MAST2: variants seen among roughly 807,000 people sequenced by gnomAD.
MAST2 encodes microtubule associated serine/threonine kinase 2.
Under a neutral mutation model 147.4 loss-of-function variants are expected in MAST2, and 70 were observed. The ratio of observed to expected loss-of-function variants is 0.47; its 90% CI spans 0.39 to 0.58. The LOEUF is 0.58. Among genes scored for constraint, MAST2 ranks in the 20% least tolerant of loss-of-function variants. The pLI is 0.00. For synonymous variants in MAST2, 869 were observed against 896.8 expected (o/e 0.97, Z 0.55); for missense variants, 2,080 against 2,302.3 (o/e 0.90, Z 1.98).
rs567583699 is a variant in MAST2 at position 45,961,989 on chromosome 1, C to T, written c.592+2512C>T. ...TCCTGTGTCCAGTGTTCTCATTGTT[C>T]AGTTCCCACCTATGAGTGAGAACAT... On this transcript the variant is annotated intron_variant, in intron 5 of 28. Transcript: ENST00000361297. Among the ~76,000 whole-genome samples the T allele has an allele frequency of 2.1e-4, 32 of 148,898 alleles. No homozygotes were observed. In the South Asian group the frequency reaches 6.9e-3, roughly 32 times the overall value.
intron 10 of MAST2, 74 bp from the exon 11 acceptor site, chr1:46,019,522 C>T: frequency 3.4e-6 from 4 of 1,185,500 alleles, no homozygotes; most frequent in Non-Finnish European, 5.0e-6. Flanking sequence ...CTGGAGTCAG[C>T]TCTGCCCTGT....
intron 4 of MAST2, among the ~76,000 whole-genome samples, chr1:45,895,880 A>G (rs1034896821): frequency 2.0e-5 from 3 of 152,222 alleles, no homozygotes; most frequent in African/African-American, 7.2e-5. Flanking sequence ...TAAATGAGCA[A>G]TAAAGTAAAG....
chr1:45,959,540 C>T, intron 5 of MAST2, 63 bp downstream of exon 5: 1 of 1,361,768 alleles, frequency 7.3e-7, no homozygotes. Flanking sequence ...CAATTTCTTT[C>T]CTACTTCTCA....
chr1:45,936,763 G>A (rs2148759699), intron 4 of MAST2, among the ~76,000 whole-genome samples: 1 of 152,136 alleles, frequency 6.6e-6, no homozygotes, highest in East Asian at 1.9e-4. Flanking sequence ...CAGCCACATG[G>A]CCACCATCAT....
chr1:45,905,588 A>C (rs1389834051), intron 4 of MAST2, among the ~76,000 whole-genome samples: 1 of 152,144 alleles, frequency 6.6e-6, no homozygotes, highest in Non-Finnish European at 1.5e-5. Flanking sequence ...CATCCTGGCT[A>C]ACACAGTGAA....
intron 4 of MAST2, among the ~76,000 whole-genome samples, chr1:45,884,076 C>T (rs759946144): frequency 6.6e-6 from 1 of 151,496 alleles, no homozygotes; most frequent in Non-Finnish European, 1.5e-5. Context: ...GAGGAGTATT[C>T]TTATTTTTAT....
intron 4 of MAST2, among the ~76,000 whole-genome samples, chr1:45,920,685 A>G (rs905313111): frequency 1.3e-5 from 2 of 152,190 alleles, no homozygotes; most frequent in African/African-American, 4.8e-5. Context: ...TTTTAAAATT[A>G]TTTTATCTTC....
At chr1:45,984,525 T>C (rs923634478) in intron 5 of MAST2, among the ~76,000 whole-genome samples, 1 of 151,756 alleles carries the variant, frequency 6.6e-6, no homozygotes. Context: ...CCCAGGCTGG[T>C]CTTGAACTCT....
intron 26 of MAST2, among the ~76,000 whole-genome samples, chr1:46,033,518 C>G (rs1462951252): frequency 3.3e-5 from 5 of 152,154 alleles, no homozygotes; most frequent in African/African-American, 7.2e-5. Flanking sequence ...AGGCAGTACC[C>G]TCCCTGACTA....
chr1:45,827,998 A>AT (rs982272538), intron 2 of MAST2, among the ~76,000 whole-genome samples: 64 of 146,084 alleles, frequency 4.4e-4, no homozygotes, highest in African/African-American at 5.3e-4. Flanking sequence ...TGCCTGGCTA[A>AT]TTTTTTTTTT....
At chr1:45,889,985 C>T (rs181701489) in intron 4 of MAST2, among the ~76,000 whole-genome samples, 50 of 152,194 alleles carry the variant, frequency 3.3e-4, no homozygotes, top group African/African-American at 6.0e-4. Context: ...CCTCGTGATC[C>T]GCCTGCCTCG....
chr1:45,851,550 A>G (rs1342802365), intron 3 of MAST2, among the ~76,000 whole-genome samples: 1 of 152,150 alleles, frequency 6.6e-6, no homozygotes, highest in Admixed American at 6.6e-5. Flanking sequence ...TCCAGTTCTC[A>G]AGAGGAATGT....
intron 5 of MAST2, among the ~76,000 whole-genome samples, chr1:45,980,251 G>A (rs1391596798): frequency 8.0e-6 from 1 of 125,564 alleles, no homozygotes; most frequent in Admixed American, 1.0e-4. Flanking sequence ...CTCCAGCCTG[G>A]GCAACAGAGT....
At chr1:46,016,222 C>T (rs139100887) in intron 10 of MAST2, among the ~76,000 whole-genome samples, 1,105 of 96,496 alleles carry the variant, frequency 0.011, 76 homozygotes, top group African/African-American at 0.037. Context: ...CAATATCATA[C>T]TGAATTGAAT....
intron 4 of MAST2, among the ~76,000 whole-genome samples, chr1:45,915,709 C>A (rs1041022215): frequency 5.9e-3 from 776 of 130,476 alleles, no homozygotes; most frequent in East Asian, 6.8e-3. Context: ...GACTCTGTCT[C>A]AAAAAAAAAA....
At chr1:46,034,489 C>A in intron 28 of MAST2, 49 bp from the exon 29 acceptor site, 1 of 1,565,682 alleles carries the variant, frequency 6.4e-7, no homozygotes, top group Non-Finnish European at 8.7e-7. Context: ...CTTCTAACAG[C>A]TAACACTGCT....
rs193120304 is a variant in MAST2, at chr1:45,960,511, A to G, written c.592+1034A>G. On this transcript the variant is annotated intron_variant, in intron 5 of 28. Transcript: ENST00000361297. Reference sequence around the variant, plus strand: ...CAGAATGAGACCCCATCTCAAAAAGAAAAAAAGAAAAGAAAAGAAATACGA... The same window carrying G: ...CAGAATGAGACCCCATCTCAAAAAGGAAAAAAGAAAAGAAAAGAAATACGA... Among the ~76,000 whole-genome samples the G allele has an allele frequency of 6.2e-3, 946 of 152,228 alleles. 5 individuals are homozygous for G. The highest frequency in any genetic ancestry group is 9.6e-3 in the Non-Finnish European group (653 of 68,012).
rs917494658 is a variant in MAST2 at position 45,832,340 on chromosome 1, G to T, written c.468+2759G>T. On this transcript the variant is annotated intron_variant, in intron 3 of 28. Transcript: ENST00000361297. Reference sequence around the variant, plus strand: ...TTTTGAGACAGGTTCTCCCTCTGTTGTCCAGTCTGGAGTGCAGTGTCATGA... The same window carrying T: ...TTTTGAGACAGGTTCTCCCTCTGTTTTCCAGTCTGGAGTGCAGTGTCATGA... Among the ~76,000 whole-genome samples the T allele has an allele frequency of 2.7e-5, 4 of 145,866 alleles. No homozygotes were observed. The East Asian group carries it at 6.0e-4, about 22-fold the overall frequency.
At chr1:46,002,915 T>C (rs1187821284) in intron 7 of MAST2, 32 bp downstream of exon 7, 13 of 1,599,560 alleles carry the variant, frequency 8.1e-6, no homozygotes, top group Non-Finnish European at 1.0e-5. Context: ...CATACTTCCT[T>C]CACCCTAAGG....
Sources: gnomAD v4.1 joint callset for allele counts (sites outside exome capture counted in the v4.1 genomes callset) on GRCh38, gnomAD v4.1.1 for gene constraint, MANE v1.5 for transcripts, NCBI Gene and HGNC (gene_info 2026-07-23, HGNC 2026-07-21) for gene names.